SYT2: variants seen among roughly 807,000 people sequenced by gnomAD.
SYT2 encodes the protein synaptotagmin 2.
In SYT2, 15 loss-of-function variants were observed where a neutral mutation model predicts 39.9. The observed-to-expected ratio is 0.38, with a 90% CI of 0.25 to 0.58. The LOEUF (loss-of-function observed/expected upper bound fraction) is 0.58, where lower values mean the gene tolerates loss of function less well. Among genes scored for constraint, SYT2 ranks in the 20% least tolerant of loss-of-function variants. The pLI is 0.70. For synonymous variants in SYT2, 181 were observed against 204.5 expected, an observed-to-expected ratio of 0.89 and a Z score of 0.98; for missense variants, 389 against 530.3, an observed-to-expected ratio of 0.73 and a Z score of 2.62.
At chr1:202,618,207 T>A (rs1446170465) in intron 1 of SYT2, among the ~76,000 whole-genome samples, 1 of 152,086 alleles carries the variant, frequency 6.6e-6, no homozygotes, top group East Asian at 1.9e-4. Flanking sequence ...TGAGATTGGG[T>A]CACATTATGT....
intron 8 of SYT2, 55 bp from the exon 9 acceptor site, chr1:202,597,018 C>G: frequency 6.7e-7 from 1 of 1,488,994 alleles, no homozygotes; most frequent in Middle Eastern, 2.2e-4. Flanking sequence ...ATCCCATGAC[C>G]AAATTTATCC....
intron 1 of SYT2, chr1:202,639,928 C>T: frequency 4.1e-6 from 3 of 726,284 alleles, no homozygotes; most frequent in Non-Finnish European, 5.1e-6. Flanking sequence ...AACATAGAAC[C>T]TCAAAAACCC....
intron 1 of SYT2, among the ~76,000 whole-genome samples, chr1:202,629,134 T>G (rs1360476325): frequency 6.6e-6 from 1 of 152,232 alleles, no homozygotes; most frequent in East Asian, 1.9e-4. Context: ...AGGACCAGGT[T>G]AAGCCAATAC....
chr1:202,668,526 G>A (rs1692523271), intron 1 of SYT2, among the ~76,000 whole-genome samples: 1 of 152,200 alleles, frequency 6.6e-6, no homozygotes, highest in African/African-American at 2.4e-5. Context: ...GGCAAATAGA[G>A]AGAAATCCTT....
intron 1 of SYT2, among the ~76,000 whole-genome samples, chr1:202,619,626 TAAC>T (rs1288231389): frequency 1.3e-5 from 2 of 152,238 alleles, no homozygotes; most frequent in Non-Finnish European, 2.9e-5. Context: ...ATCTGCATTG[TAAC>T]AACATCCCCA....
chr1:202,592,466 T>C lies in SYT2; in HGVS notation c.*4291A>G, dbSNP rs145676537. The C allele has an allele frequency of 2.8e-3, 426 of 152,434 alleles. 3 individuals carry two copies. Among genetic ancestry groups the C allele is most frequent in the Admixed American group, 7.2e-3 (110 of 15,310 alleles). 9.4% of individuals were successfully genotyped at this position (152,434 alleles called of 1,614,324 possible). A position where few individuals can be genotyped will look rare whatever the true frequency, so the allele number is the denominator to read the frequency against. The stretch of plus-strand genomic sequence containing the variant: ...AAAGGAGCAGCCTCAACCAGTTCTG[T>C]AAAATGGGTTTGAGGTTGGGGATCA... On this transcript the variant is annotated 3_prime_UTR_variant, in exon 9 of 9. Transcript: ENST00000367268.
At chr1:202,604,865 A>G (rs1269423925) in intron 2 of SYT2, among the ~76,000 whole-genome samples, 1 of 114,194 alleles carries the variant, frequency 8.8e-6, no homozygotes. Context: ...TTGTTGGTAT[A>G]GCCTGCTAGC....
intron 1 of SYT2, among the ~76,000 whole-genome samples, chr1:202,640,778 G>GAC (rs1691890491): frequency 7.7e-6 from 1 of 129,834 alleles, no homozygotes; most frequent in African/African-American, 3.5e-5. Context: ...GAGAGAGAGA[G>GAC]AGAGAGAGAG....
chr1:202,656,816 T>G (rs1692286888), intron 1 of SYT2, among the ~76,000 whole-genome samples: 1 of 152,164 alleles, frequency 6.6e-6, no homozygotes, highest in Non-Finnish European at 1.5e-5. Flanking sequence ...CCCACCACAT[T>G]ATGCTCTTCC....
intron 1 of SYT2, among the ~76,000 whole-genome samples, chr1:202,678,925 C>T (rs1212362004): frequency 6.6e-6 from 1 of 152,120 alleles, no homozygotes; most frequent in Non-Finnish European, 1.5e-5. Context: ...ACACACATCG[C>T]CCTACATTCT....
chr1:202,666,590 T>A (rs1033952376), intron 1 of SYT2, among the ~76,000 whole-genome samples: 19 of 152,334 alleles, frequency 1.2e-4, no homozygotes, highest in Middle Eastern at 3.4e-3. Flanking sequence ...CCAAAGTGAA[T>A]GACTTTATCG....
At chr1:202,626,521 G>A (rs2149087752) in intron 1 of SYT2, among the ~76,000 whole-genome samples, 1 of 149,662 alleles carries the variant, frequency 6.7e-6, no homozygotes, top group African/African-American at 2.5e-5. Context: ...GGGACTACAG[G>A]CGTACCACCA....
intron 1 of SYT2, among the ~76,000 whole-genome samples, chr1:202,647,479 A>G (rs1692109862): frequency 6.6e-6 from 1 of 151,714 alleles, no homozygotes; most frequent in South Asian, 2.1e-4. Flanking sequence ...GTACTCCATG[A>G]GCACCCCCAA....
chr1:202,697,830 A>G (rs990542599), intron 1 of SYT2, among the ~76,000 whole-genome samples: 1 of 152,226 alleles, frequency 6.6e-6, no homozygotes, highest in African/African-American at 2.4e-5. Flanking sequence ...ATTACACCTC[A>G]ATAGAGCTGG....
chr1:202,661,088 G>A (rs774237037), intron 1 of SYT2, among the ~76,000 whole-genome samples: 8 of 152,052 alleles, frequency 5.3e-5, no homozygotes, highest in Non-Finnish European at 1.0e-4. Flanking sequence ...ATAAAAATCC[G>A]TGCCCTCATG....
At chr1:202,688,649 A>G (rs774057575) in intron 1 of SYT2, among the ~76,000 whole-genome samples, 1 of 152,228 alleles carries the variant, frequency 6.6e-6, no homozygotes, top group Non-Finnish European at 1.5e-5. Context: ...CCTTGAAGAG[A>G]GAGATCTGCA....
intron 1 of SYT2, among the ~76,000 whole-genome samples, chr1:202,670,222 G>C (rs114148534): frequency 6.6e-6 from 1 of 152,148 alleles, no homozygotes; most frequent in Admixed American, 6.5e-5. Flanking sequence ...TGAGTGACCC[G>C]GCCTCACAGG....
chr1:202,630,182 G>A lies in SYT2; in HGVS notation c.-17-24393C>T, dbSNP rs113998749. ...GGGAATTTCTTTGGTGATTACACTG[G>A]TGCATATATCCATAAGTTGTGCACT... On this transcript the variant is annotated intron_variant, in intron 1 of 8. Coordinates refer to ENST00000367268, the MANE Select transcript of SYT2 (RefSeq NM_177402.5). Among the ~76,000 whole-genome samples the A allele has an allele frequency of 8.7e-3, 1,318 of 152,324 alleles. 8 individuals are homozygous for A. The highest frequency in any genetic ancestry group is 0.015 in the Non-Finnish European group (1,023 of 68,026).
chr1:202,605,523 G>A, intron 2 of SYT2, 72 bp downstream of exon 2: 1 of 1,431,284 alleles, frequency 7.0e-7, no homozygotes, highest in Non-Finnish European at 9.7e-7. Context: ...CATCCCAGTG[G>A]TATCCCCACC....
Sources: gnomAD v4.1 joint callset for allele counts (sites outside exome capture counted in the v4.1 genomes callset) on GRCh38, gnomAD v4.1.1 for gene constraint, MANE v1.5 for transcripts, NCBI Gene and HGNC (gene_info 2026-07-23, HGNC 2026-07-21) for gene names.